Variants in DTWD2 observed in about 807,000 individuals in gnomAD.
DTWD2 encodes the protein tRNA-uridine aminocarboxypropyltransferase 2.
A neutral mutation model predicts 31.8 loss-of-function variants in DTWD2; 39 were observed. The observed-to-expected ratio is 1.22, with a 90% confidence interval of 0.95 to 1.60. The LOEUF is 1.60. Ranked by LOEUF, DTWD2 falls within the 40% of genes most tolerant of loss-of-function variation. DTWD2 has a pLI of 0.00. For missense variants in DTWD2, 515 were observed against 381.5 expected, an observed-to-expected ratio of 1.35 and a Z score of -2.92; for synonymous variants, 180 against 142.8, an observed-to-expected ratio of 1.26 and a Z score of -1.86.
At chr5:118,986,714 G>A (rs1207113506) in intron 1 of DTWD2, among the ~76,000 whole-genome samples, 1 of 151,996 alleles carries the variant, frequency 6.6e-6, no homozygotes. Context: ...CATAATTCTA[G>A]AATTATATTC....
At chr5:118,898,752 CA>C (rs921098355) in intron 4 of DTWD2, among the ~76,000 whole-genome samples, 1 of 150,682 alleles carries the variant, frequency 6.6e-6, no homozygotes, top group Non-Finnish European at 1.5e-5. Context: ...CAGTATGGTA[CA>C]AAAAAATTAC....
chr5:118,944,207 G>C (rs1754274958), intron 2 of DTWD2, among the ~76,000 whole-genome samples: 1 of 152,074 alleles, frequency 6.6e-6, no homozygotes, highest in African/African-American at 2.4e-5. Flanking sequence ...AGCAAGAAAA[G>C]ACATCAAGCA....
At chr5:118,927,724 T>A (rs1043305345) in intron 4 of DTWD2, among the ~76,000 whole-genome samples, 1 of 151,712 alleles carries the variant, frequency 6.6e-6, no homozygotes, top group Non-Finnish European at 1.5e-5. Flanking sequence ...CTTAGAAGAG[T>A]TTGAAAGAAG....
intron 4 of DTWD2, among the ~76,000 whole-genome samples, chr5:118,889,830 A>G (rs1395960082): frequency 2.0e-5 from 3 of 152,142 alleles, no homozygotes; most frequent in African/African-American, 7.2e-5. Flanking sequence ...AAGAAATACA[A>G]TTTTTCATGA....
intron 4 of DTWD2, among the ~76,000 whole-genome samples, chr5:118,918,877 C>T (rs1317214687): frequency 6.6e-6 from 1 of 151,340 alleles, no homozygotes; most frequent in African/African-American, 2.4e-5. Context: ...CACTGGAAAA[C>T]CTATGCTACT....
intron 1 of DTWD2, among the ~76,000 whole-genome samples, chr5:118,987,225 T>C (rs997470204): frequency 6.6e-6 from 1 of 152,224 alleles, no homozygotes; most frequent in Non-Finnish European, 1.5e-5. Context: ...CAAACCCCTA[T>C]GTTCAAATTC....
intron 1 of DTWD2, among the ~76,000 whole-genome samples, chr5:118,956,971 T>A: frequency 6.6e-6 from 1 of 152,164 alleles, no homozygotes; most frequent in East Asian, 1.9e-4. Flanking sequence ...ATCTGTAAGA[T>A]AAAGTCATTG....
Position 118,848,112 on chromosome 5 carries a change from T to C in DTWD2, c.704A>G (p.Glu235Gly). The C allele has an allele frequency of 6.3e-7, 1 of 1,575,520 alleles. No homozygotes were observed. The highest frequency in any genetic ancestry group is 8.6e-7 in the Non-Finnish European group (1 of 1,165,152). Residue 235 changes from glutamate to glycine, a missense_variant, in exon 5 of 6, where the codon GAG becomes GGG. Glu to Gly is a moderately conservative substitution (Grantham distance 98). Transcript: ENST00000510708. ...ECAAVALSIL[E>G]KNNYIQETLL... ...TACCTCTTGTATGTAATTATTTTTC[T>C]CCAAGATGGAAAGAGCAACAGCTGC...
chr5:118,984,581 T>A (rs1052536975), intron 1 of DTWD2, among the ~76,000 whole-genome samples: 5 of 152,076 alleles, frequency 3.3e-5, no homozygotes, highest in African/African-American at 1.2e-4. Context: ...AGTAAATGGG[T>A]GTTAAATACA....
intron 1 of DTWD2, among the ~76,000 whole-genome samples, chr5:118,948,504 CTG>C (rs1330054237): frequency 6.6e-6 from 1 of 151,868 alleles, no homozygotes; most frequent in East Asian, 1.9e-4. Context: ...CAAAAACAAA[CTG>C]TGATCAGGGT....
intron 1 of DTWD2, among the ~76,000 whole-genome samples, chr5:118,980,966 T>A (rs981799771): frequency 2.0e-5 from 3 of 152,204 alleles, no homozygotes; most frequent in Non-Finnish European, 4.4e-5. Context: ...CATCAACAGA[T>A]GAATGGATAA....
At position 118,854,860 on chromosome 5, in the gene DTWD2, G is replaced by A. The variant is rs537109001; in HGVS notation, c.598-6642C>T. Among the ~76,000 whole-genome samples, 9 of 152,088 alleles carry A rather than the reference G, an allele frequency of 5.9e-5. No individual in the cohort carries two copies. The South Asian group carries it at 1.9e-3, about 32-fold the overall frequency. On this transcript the variant is annotated intron_variant, in intron 4 of 5. Coordinates refer to ENST00000510708, the MANE Select transcript of DTWD2 (RefSeq NM_173666.4). ...GATTTTACATTAATCATAGAAATAT[G>A]GTTTTAATAACCATATAACTTATAT...
At chr5:118,908,036 A>G (rs1753372858) in intron 4 of DTWD2, among the ~76,000 whole-genome samples, 1 of 152,200 alleles carries the variant, frequency 6.6e-6, no homozygotes, top group Admixed American at 6.5e-5. Flanking sequence ...GGACCATATA[A>G]ACTTGCCTTG....
chr5:118,885,222 G>C lies in DTWD2; in HGVS notation c.598-37004C>G, dbSNP rs1752834536. 2.6e-5 allele frequency among the ~76,000 whole-genome samples: 4 copies of C among 151,630 alleles called. No individual in the cohort carries two copies. In the South Asian group the frequency reaches 6.2e-4, roughly 24 times the overall value. On this transcript the variant is annotated intron_variant, in intron 4 of 5. Transcript: ENST00000510708. The stretch of plus-strand genomic sequence containing the variant: ...TAATCCCAACATTTTGGGAGGCCCA[G>C]GTGGGCAGACCACAAGGTCAAGAGA...
chr5:118,843,795 T>C (rs1751782506), intron 5 of DTWD2, among the ~76,000 whole-genome samples: 1 of 152,220 alleles, frequency 6.6e-6, no homozygotes, highest in African/African-American at 2.4e-5. Context: ...CCCTACTCCA[T>C]CTCTGTTGGT....
chr5:118,858,881 C>T (rs1381239115), intron 4 of DTWD2, among the ~76,000 whole-genome samples: 2 of 152,192 alleles, frequency 1.3e-5, no homozygotes, highest in African/African-American at 4.8e-5. Context: ...TTGCAGTTAG[C>T]TGTTAGGTTT....
intron 5 of DTWD2, 38 bp from the exon 6 acceptor site, chr5:118,841,125 AC>A: frequency 6.4e-7 from 1 of 1,566,108 alleles, no homozygotes; most frequent in Non-Finnish European, 8.7e-7. Context: ...AGTATCTGTG[AC>A]AAATCATGAT....
chr5:118,951,507 GAGA>G (rs1438222748), intron 1 of DTWD2, among the ~76,000 whole-genome samples: 4 of 152,060 alleles, frequency 2.6e-5, no homozygotes, highest in African/African-American at 4.8e-5. Flanking sequence ...CCCATTTTAC[GAGA>G]AGAATTATCT....
chr5:118,971,216 C>G (rs769374276), intron 1 of DTWD2, among the ~76,000 whole-genome samples: 2 of 152,176 alleles, frequency 1.3e-5, no homozygotes, highest in Non-Finnish European at 2.9e-5. Context: ...CAAGATCCAT[C>G]TGTATGCTAT....
Sources: allele counts gnomAD v4.1 joint callset (sites outside exome capture counted in the v4.1 genomes callset), GRCh38; gene constraint gnomAD v4.1.1; transcripts MANE v1.5; gene names NCBI Gene and HGNC (gene_info 2026-07-23, HGNC 2026-07-21).